The following DLGAP1 variants were observed in gnomAD, a reference collection of about 807,000 sequenced individuals.
The protein encoded by DLGAP1 is disks large-associated protein 1.
A neutral mutation model predicts 90.8 loss-of-function variants in DLGAP1; 11 were observed. The observed-to-expected ratio is 0.12, with a 90% CI of 0.08 to 0.20. The LOEUF is 0.20. Ranked by LOEUF, DLGAP1 falls within the 10% of genes least tolerant of loss-of-function variation. The probability of loss-of-function intolerance (pLI) is 1.00; values close to 1 mark genes in which losing one functional copy is unlikely to be tolerated. For missense variants in DLGAP1, 1,050 were observed against 1,333.8 expected (o/e 0.79, Z 3.31); for synonymous variants, 558 against 540.7 (o/e 1.03, Z -0.44).
intron 9 of DLGAP1, among the ~76,000 whole-genome samples, chr18:3,540,455 G>A (rs557193476): frequency 8.2e-6 from 1 of 122,678 alleles, no homozygotes; most frequent in African/African-American, 3.2e-5. Context: ...GGGCAACAGA[G>A]TGAGGCCCTG....
Position 3,499,495 on chromosome 18 carries a change from G to T in DLGAP1, c.2725-101C>A. On this transcript the variant is annotated intron_variant, in intron 12 of 12. Coordinates refer to ENST00000315677, the MANE Select transcript of DLGAP1 (RefSeq NM_004746.4). This position sits in a 1 kb window ranked among gnomAD's most constrained non-coding sequence, Gnocchi z 6.4. ...GTTAGAACACACAGTTTTTTACCTAGGGGTGGTTAGTTCTGATCTGCACAC... is the reference window on the plus strand; with the variant it reads ...GTTAGAACACACAGTTTTTTACCTATGGGTGGTTAGTTCTGATCTGCACAC... The T allele has an allele frequency of 7.8e-7, 1 of 1,277,244 alleles. No homozygotes were observed. Among genetic ancestry groups the T allele is most frequent in the Non-Finnish European group, 1.1e-6 (1 of 922,768 alleles). 79.1% of individuals were successfully genotyped at this position (1,277,244 alleles called of 1,614,324 possible).
intron 3 of DLGAP1, among the ~76,000 whole-genome samples, chr18:3,945,682 AGAT>A (rs1392721151): frequency 1.3e-5 from 2 of 152,216 alleles, no homozygotes; most frequent in East Asian, 3.8e-4. Flanking sequence ...ACCTAATGCT[AGAT>A]GATGAGTTAG....
At chr18:3,739,294 A>G (rs1357378442) in intron 6 of DLGAP1, among the ~76,000 whole-genome samples, 2 of 150,834 alleles carry the variant, frequency 1.3e-5, no homozygotes, top group Non-Finnish European at 2.9e-5. Context: ...CCAAAGGACT[A>G]TAAATCATGC....
intron 5 of DLGAP1, among the ~76,000 whole-genome samples, chr18:3,778,253 C>T (rs1168599237): frequency 2.6e-5 from 4 of 151,972 alleles, no homozygotes; most frequent in Non-Finnish European, 5.9e-5. Flanking sequence ...CCAGCCTGGC[C>T]AACATGGTGA....
chr18:3,766,492 G>A (rs113117950), intron 5 of DLGAP1, among the ~76,000 whole-genome samples: 3 of 152,004 alleles, frequency 2.0e-5, no homozygotes, highest in African/African-American at 7.2e-5. Context: ...AGACATTAGA[G>A]AACACTCTAC....
At chr18:4,345,110 G>A (rs1230495684) in intron 1 of DLGAP1, among the ~76,000 whole-genome samples, 1 of 152,102 alleles carries the variant, frequency 6.6e-6, no homozygotes, top group Admixed American at 6.5e-5. Flanking sequence ...CCCAAGATAA[G>A]TCCGTGTCAT....
At chr18:3,848,750 C>T (rs1054882287) in intron 4 of DLGAP1, among the ~76,000 whole-genome samples, 1 of 152,114 alleles carries the variant, frequency 6.6e-6, no homozygotes, top group Non-Finnish European at 1.5e-5. Flanking sequence ...ACCCACTTAC[C>T]CCAATATCAC....
At chr18:4,046,933 T>C (rs2075063735) in intron 2 of DLGAP1, among the ~76,000 whole-genome samples, 1 of 152,238 alleles carries the variant, frequency 6.6e-6, no homozygotes, top group Admixed American at 6.5e-5. Context: ...GTGACAATTT[T>C]GGGATGTCAG....
At chr18:4,050,730 T>C (rs1186616339) in intron 2 of DLGAP1, among the ~76,000 whole-genome samples, 2 of 152,254 alleles carry the variant, frequency 1.3e-5, no homozygotes, top group Non-Finnish European at 2.9e-5. Context: ...TATTGATTTA[T>C]ATTCCATTAA....
At chr18:4,420,517 T>C (rs1426434422) in intron 1 of DLGAP1, among the ~76,000 whole-genome samples, 2 of 152,202 alleles carry the variant, frequency 1.3e-5, no homozygotes, top group African/African-American at 2.4e-5. Flanking sequence ...TCTCTCTCTC[T>C]TTCTCCTCAC....
At chr18:4,203,723 C>T (rs573262475) in intron 1 of DLGAP1, among the ~76,000 whole-genome samples, 9 of 152,148 alleles carry the variant, frequency 5.9e-5, no homozygotes, top group Non-Finnish European at 1.0e-4. Flanking sequence ...CTCAGGGGAA[C>T]ACAATGATGA....
intron 3 of DLGAP1, among the ~76,000 whole-genome samples, chr18:3,977,113 C>T (rs1024115206): frequency 1.1e-4 from 17 of 152,110 alleles, no homozygotes; most frequent in Non-Finnish European, 1.6e-4. Flanking sequence ...CTCACTCTGT[C>T]GCCCAGGCTA....
intron 7 of DLGAP1, among the ~76,000 whole-genome samples, chr18:3,634,728 T>C (rs895634125): frequency 6.6e-6 from 1 of 152,220 alleles, no homozygotes; most frequent in Non-Finnish European, 1.5e-5. Flanking sequence ...ATTGGAAAGA[T>C]ACCATGTTCT....
chr18:3,537,125 T>A (rs1471081556), intron 9 of DLGAP1, among the ~76,000 whole-genome samples: 1 of 152,176 alleles, frequency 6.6e-6, no homozygotes, highest in East Asian at 1.9e-4. Context: ...AGCTGAACCA[T>A]TATTAAATGT....
At chr18:3,770,991 C>T (rs970732406) in intron 5 of DLGAP1, 1 of 152,118 alleles carries the variant, frequency 6.6e-6, no homozygotes, top group Non-Finnish European at 1.5e-5. Context: ...ATAATATTCA[C>T]CGTATTGAGG....
At chr18:4,057,671 C>A (rs983512428) in intron 2 of DLGAP1, among the ~76,000 whole-genome samples, 1 of 152,166 alleles carries the variant, frequency 6.6e-6, no homozygotes, top group Non-Finnish European at 1.5e-5. Flanking sequence ...TTGTCTTGGT[C>A]TCTCTCTTTC....
chr18:3,865,814 A>G (rs1335560052), intron 4 of DLGAP1, among the ~76,000 whole-genome samples: 1 of 152,254 alleles, frequency 6.6e-6, no homozygotes, highest in African/African-American at 2.4e-5. Context: ...CAATGTAAGA[A>G]GAACAATGTA....
chr18:4,054,179 T>C (rs2075178736), intron 2 of DLGAP1, among the ~76,000 whole-genome samples: 1 of 152,210 alleles, frequency 6.6e-6, no homozygotes, highest in Non-Finnish European at 1.5e-5. Context: ...GGTCTGAATA[T>C]GTATTCTCTG....
intron 2 of DLGAP1, among the ~76,000 whole-genome samples, chr18:4,029,363 T>A (rs1171244205): frequency 6.6e-6 from 1 of 152,218 alleles, no homozygotes; most frequent in Non-Finnish European, 1.5e-5. Flanking sequence ...CCTTTGAATA[T>A]ATACCCAGTA....
Sources: allele counts gnomAD v4.1 joint callset (sites outside exome capture counted in the v4.1 genomes callset), GRCh38; gene constraint gnomAD v4.1.1; non-coding constraint Gnocchi (gnomAD v3.1); transcripts MANE v1.5; gene names NCBI Gene and HGNC (gene_info 2026-07-23, HGNC 2026-07-21).